The following PIR variants were observed in gnomAD, a reference collection of about 807,000 sequenced individuals.
PIR encodes the protein pirin (iron-binding nuclear protein).
A neutral mutation model predicts 24.2 loss-of-function variants in PIR; 22 were observed. The observed-to-expected ratio is 0.91, with a 90% CI of 0.65 to 1.30. The LOEUF is 1.30. PIR is among the 50% of genes most tolerant of loss of function. PIR has a pLI of 0.00. For missense variants in PIR, 220 were observed against 220.3 expected (o/e 1.00, Z 0.01); for synonymous variants, 80 against 79.6 (o/e 1.00, Z -0.03).
Position 15,456,796 on chromosome X carries a change from C to A in PIR, c.274-742G>T, listed in dbSNP as rs187508725. Among the ~76,000 whole-genome samples, 8 of 112,276 alleles carry A rather than the reference C, an allele frequency of 7.1e-5. No homozygotes were observed. The East Asian group carries it at 2.2e-3, about 31-fold the overall frequency. ...ACTTGCTCAGTTCCAGTAATGGAAC[C>A]CTCGCTACTTGGAGAAACAATTATT... On this transcript the variant is annotated intron_variant, in intron 4 of 9. Transcript: ENST00000380420.
At chrX:15,390,109 A>G in intron 9 of PIR, 76 bp downstream of exon 9, 1 of 488,677 alleles carries the variant, frequency 2.0e-6, no homozygotes, top group Middle Eastern at 4.3e-4. Context: ...TATTCTTCCC[A>G]ACAATAGTAT....
intron 4 of PIR, 54 bp downstream of exon 4, chrX:15,459,603 C>T: frequency 2.9e-6 from 2 of 692,040 alleles, no homozygotes; most frequent in Non-Finnish European, 4.7e-6. Context: ...CAGGATCAAG[C>T]ACGTGCACCC....
intron 3 of PIR, among the ~76,000 whole-genome samples, chrX:15,466,660 T>C (rs185607391): frequency 7.1e-5 from 8 of 112,247 alleles, no homozygotes; most frequent in African/African-American, 2.3e-4. Flanking sequence ...GCAAAGCACC[T>C]GGCCCATAAC....
chrX:15,434,406 A>G (rs1925677748), intron 5 of PIR, among the ~76,000 whole-genome samples: 2 of 108,212 alleles, frequency 1.8e-5, no homozygotes, highest in Admixed American at 9.9e-5. Context: ...AGGAGTAGGA[A>G]CGAAAAAGGA....
chrX:15,398,133 AT>A (rs1467436539), intron 7 of PIR, among the ~76,000 whole-genome samples: 1 of 110,854 alleles, frequency 9.0e-6, no homozygotes, highest in Non-Finnish European at 1.9e-5. Context: ...GCATTAGGAG[AT>A]ATACCTAATG....
intron 6 of PIR, among the ~76,000 whole-genome samples, chrX:15,411,558 G>C (rs1158085834): frequency 4.5e-5 from 5 of 111,139 alleles, no homozygotes; most frequent in African/African-American, 1.6e-4. Flanking sequence ...ACCATTAACA[G>C]AGATAAGGGC....
At chrX:15,451,742 T>C (rs1489583232) in intron 5 of PIR, among the ~76,000 whole-genome samples, 1 of 112,382 alleles carries the variant, frequency 8.9e-6, no homozygotes, top group Non-Finnish European at 1.9e-5. Flanking sequence ...GCAGGCATTT[T>C]TGAAAATTAA....
intron 3 of PIR, among the ~76,000 whole-genome samples, chrX:15,474,993 T>C (rs1003056362): frequency 3.6e-5 from 4 of 111,476 alleles, no homozygotes; most frequent in African/African-American, 1.3e-4. Flanking sequence ...CTTTATGATA[T>C]TGAAAAAGTA....
intron 6 of PIR, among the ~76,000 whole-genome samples, chrX:15,424,073 T>C (rs757254616): frequency 8.9e-6 from 1 of 112,602 alleles, no homozygotes; most frequent in East Asian, 2.8e-4. Flanking sequence ...ACTGGGTACC[T>C]ATTTAAAAGA....
rs192903851 is a variant in PIR at position 15,457,422 on chromosome X, A to G, written c.274-1368T>C. ...CAACAGCATCTTCCACACAGCCCTC[A>G]TCAGGAGAAAAATCCTTAAACAAAC... On this transcript the variant is annotated intron_variant, in intron 4 of 9. Transcript: ENST00000380420. Among the ~76,000 whole-genome samples, 9 of 112,328 alleles carry G rather than the reference A, an allele frequency of 8.0e-5. No individual in the cohort carries two copies. The Admixed American group carries it at 8.5e-4, about 11-fold the overall frequency.
At chrX:15,402,328 TAG>T (rs1250061042) in intron 7 of PIR, among the ~76,000 whole-genome samples, 1 of 112,112 alleles carries the variant, frequency 8.9e-6, no homozygotes, top group Non-Finnish European at 1.9e-5. Flanking sequence ...ATTAGATTAT[TAG>T]AGTTTCCCCA....
At chrX:15,470,883 G>A (rs1213847228) in intron 3 of PIR, among the ~76,000 whole-genome samples, 4 of 111,639 alleles carry the variant, frequency 3.6e-5, no homozygotes, top group African/African-American at 6.5e-5. Flanking sequence ...GATTACAGGC[G>A]TGAGCCACCG....
At chrX:15,434,765 G>C (rs1009657374) in intron 5 of PIR, among the ~76,000 whole-genome samples, 1 of 100,938 alleles carries the variant, frequency 9.9e-6, no homozygotes, top group Non-Finnish European at 2.0e-5. Context: ...GTTTGTTTTT[G>C]GCCTTTAATT....
At chrX:15,462,317 G>C (rs1921336873) in intron 3 of PIR, among the ~76,000 whole-genome samples, 1 of 112,338 alleles carries the variant, frequency 8.9e-6, no homozygotes, top group Non-Finnish European at 1.9e-5. Context: ...AATGTTGTGT[G>C]TCAGGACATG....
chrX:15,439,975 G>A (rs1013433126), intron 5 of PIR, among the ~76,000 whole-genome samples: 1 of 111,432 alleles, frequency 9.0e-6, no homozygotes, highest in African/African-American at 3.3e-5. Flanking sequence ...GCTGGTGTTA[G>A]ACACAAATTT....
intron 7 of PIR, among the ~76,000 whole-genome samples, chrX:15,406,120 A>T (rs192700327): frequency 2.0e-3 from 220 of 112,016 alleles, no homozygotes; most frequent in Non-Finnish European, 3.2e-3. Flanking sequence ...TCCCTGCAGG[A>T]GCGGGTGGAG....
chrX:15,404,705 G>A (rs1355804799), intron 7 of PIR, among the ~76,000 whole-genome samples: 2 of 111,960 alleles, frequency 1.8e-5, no homozygotes, highest in South Asian at 3.7e-4. Flanking sequence ...TTTCTGTTTC[G>A]TCATTTCTTT....
rs192464500 is a variant in PIR at position 15,398,537 on chromosome X, T to C, written c.611-1006A>G. Among the ~76,000 whole-genome samples, 510 of 110,863 alleles carry C rather than the reference T, an allele frequency of 4.6e-3. 4 individuals are homozygous for C. The highest frequency in any genetic ancestry group is 0.016 in the African/African-American group (487 of 30,426). Reference sequence around the variant, plus strand: ...GGGCATTCTAGACAAGAGAAAAGATTGCAGTGAAAATTCTACCATTCTTGG... The same window carrying C: ...GGGCATTCTAGACAAGAGAAAAGATCGCAGTGAAAATTCTACCATTCTTGG... On this transcript the variant is annotated intron_variant, in intron 7 of 9. Coordinates refer to ENST00000380420, the MANE Select transcript of PIR (RefSeq NM_001018109.3).
chrX:15,418,509 A>G (rs1039664025), intron 6 of PIR, among the ~76,000 whole-genome samples: 9 of 111,876 alleles, frequency 8.0e-5, no homozygotes, highest in East Asian at 2.8e-4. Context: ...CGTGTGGCCA[A>G]TGTGAAAGGA....
Sources: gnomAD v4.1 joint callset for allele counts (sites outside exome capture counted in the v4.1 genomes callset) on GRCh38, gnomAD v4.1.1 for gene constraint, MANE v1.5 for transcripts, NCBI Gene and HGNC (gene_info 2026-07-23, HGNC 2026-07-21) for gene names.